GPATCH2L: variants seen among roughly 807,000 people sequenced by gnomAD.
GPATCH2L encodes G-patch domain containing 2 like.
GPATCH2L carries 31 observed loss-of-function variants against 57.4 expected under a neutral mutation model. The ratio of observed to expected loss-of-function variants is 0.54; its 90% CI spans 0.41 to 0.73. GPATCH2L has a LOEUF of 0.73. Among genes scored for constraint, GPATCH2L ranks in the 30% least tolerant of loss-of-function variants. The pLI, the probability that GPATCH2L is intolerant of heterozygous loss-of-function variation, is 0.00. For missense variants in GPATCH2L, 481 were observed against 599.9 expected (o/e 0.80, Z 2.07); for synonymous variants, 199 against 210.7 (o/e 0.94, Z 0.48).
intron 8 of GPATCH2L, among the ~76,000 whole-genome samples, chr14:76,182,098 C>T (rs539067251): frequency 1.3e-5 from 2 of 152,246 alleles, no homozygotes; most frequent in East Asian, 3.9e-4. Context: ...TGGCTCACGC[C>T]TGTAATCCCA....
intron 8 of GPATCH2L, among the ~76,000 whole-genome samples, chr14:76,195,594 A>G (rs2040121818): frequency 6.6e-6 from 1 of 152,228 alleles, no homozygotes; most frequent in Non-Finnish European, 1.5e-5. Context: ...TATGAAAAAT[A>G]ATTGTATAAA....
chr14:76,161,653 T>A (rs2038590166), intron 2 of GPATCH2L, among the ~76,000 whole-genome samples: 1 of 152,198 alleles, frequency 6.6e-6, no homozygotes, highest in African/African-American at 2.4e-5. Flanking sequence ...AACTAGAAGC[T>A]ACTGTTTAGG....
intron 1 of GPATCH2L, among the ~76,000 whole-genome samples, chr14:76,228,352 T>C (rs927554767): frequency 6.6e-6 from 1 of 152,174 alleles, no homozygotes; most frequent in Non-Finnish European, 1.5e-5. Context: ...TGTGTGTGCG[T>C]GCGCGCGCGT....
chr14:76,190,872 T>C (rs1203495354), intron 8 of GPATCH2L, among the ~76,000 whole-genome samples: 1 of 152,180 alleles, frequency 6.6e-6, no homozygotes, highest in Non-Finnish European at 1.5e-5. Context: ...AAGCTCCTTA[T>C]ATAATTCGGA....
At chr14:76,216,779 C>T (rs2040491753), downstream of GPATCH2L, among the ~76,000 whole-genome samples, 1 of 152,036 alleles carries the variant, frequency 6.6e-6, no homozygotes, top group Non-Finnish European at 1.5e-5. Flanking sequence ...AGTCCCACTA[C>T]ATATTAAAAC....
intron 2 of GPATCH2L, among the ~76,000 whole-genome samples, chr14:76,234,198 T>C (rs1191031266): frequency 6.6e-6 from 1 of 152,226 alleles, no homozygotes; most frequent in Non-Finnish European, 1.5e-5. Flanking sequence ...ATGTAATATA[T>C]GTCCTTTAAT....
intron 5 of GPATCH2L, chr14:76,176,283 A>T (rs1392682993): frequency 5.3e-6 from 1 of 187,654 alleles, no homozygotes; most frequent in African/African-American, 2.3e-5. Context: ...AAAATTGGCT[A>T]CTGTTGAATT....
At chr14:76,160,143 C>CA (rs550115048) in intron 2 of GPATCH2L, among the ~76,000 whole-genome samples, 59 of 148,830 alleles carry the variant, frequency 4.0e-4, no homozygotes, top group Non-Finnish European at 5.4e-4. Context: ...GACTCTGTCT[C>CA]AAAAAAAAAG....
At chr14:76,192,304 G>A (rs191543729) in intron 8 of GPATCH2L, among the ~76,000 whole-genome samples, 1 of 152,086 alleles carries the variant, frequency 6.6e-6, no homozygotes. Context: ...CAAGGAAGAA[G>A]CAAAATGTCT....
chr14:76,173,848 A>C (rs78121241), intron 5 of GPATCH2L: 2 of 520,564 alleles, frequency 3.8e-6, no homozygotes, highest in South Asian at 3.3e-5. Flanking sequence ...AAAAAAAAAA[A>C]ACACTGTCAT....
rs1237368330 is a variant in GPATCH2L at position 76,208,050 on chromosome 14, C to T, written c.*6199C>T. On this transcript the variant is annotated 3_prime_UTR_variant, in exon 10 of 10. Transcript: ENST00000261530. ...TTTTGCAGTCTTTTAAAACACCACA[C>T]TTCTTTTCCATCTTGAAGACCAGTT... 1.3e-5 allele frequency: 2 copies of T among 152,166 alleles called. No individual in the cohort carries two copies. Among genetic ancestry groups the T allele is most frequent in the African/African-American group, 2.4e-5 (1 of 41,414 alleles). 9.4% of individuals were successfully genotyped at this position (152,166 alleles called of 1,614,324 possible).
At chr14:76,174,374 A>G (rs1372235534) in intron 5 of GPATCH2L, 1 of 152,240 alleles carries the variant, frequency 6.6e-6, no homozygotes, top group Non-Finnish European at 1.5e-5. Context: ...ATCCTCAGTC[A>G]GAGAAGATGG....
intron 2 of GPATCH2L, among the ~76,000 whole-genome samples, chr14:76,231,642 C>CACACAT (rs1006971957): frequency 3.3e-5 from 5 of 151,694 alleles, no homozygotes; most frequent in Middle Eastern, 3.4e-3. Flanking sequence ...CACACACACA[C>CACACAT]ACACACACTC....
chr14:76,161,850 A>G (rs747683681), intron 2 of GPATCH2L, among the ~76,000 whole-genome samples: 33 of 152,264 alleles, frequency 2.2e-4, no homozygotes, highest in Non-Finnish European at 3.8e-4. Context: ...AGCCTGACCA[A>G]TGTGGTGAAA....
At chr14:76,168,302 G>A (rs746644841) in intron 3 of GPATCH2L, among the ~76,000 whole-genome samples, 4 of 152,234 alleles carry the variant, frequency 2.6e-5, no homozygotes, top group Admixed American at 1.3e-4. Flanking sequence ...ATTTCTTGTT[G>A]GGGTTGGCCT....
At chr14:76,198,404 A>G (rs2040220592) in intron 9 of GPATCH2L, among the ~76,000 whole-genome samples, 1 of 152,252 alleles carries the variant, frequency 6.6e-6, no homozygotes, top group Admixed American at 6.5e-5. Flanking sequence ...TGTAAAAAAC[A>G]TAATAAACCC....
intron 2 of GPATCH2L, among the ~76,000 whole-genome samples, chr14:76,162,413 G>A (rs2038633434): frequency 6.6e-6 from 1 of 152,142 alleles, no homozygotes; most frequent in Admixed American, 6.5e-5. Flanking sequence ...CCACAGTCTC[G>A]TATAACCTAA....
At chr14:76,231,616 A>AAAACAT (rs1745076730) in intron 2 of GPATCH2L, among the ~76,000 whole-genome samples, 1 of 32,354 alleles carries the variant, frequency 3.1e-5, no homozygotes, top group African/African-American at 1.1e-4. Context: ...TTAGAAACTA[A>AAAACAT]ACACATACAC....
At chr14:76,163,296 A>G (rs1273048129) in intron 2 of GPATCH2L, among the ~76,000 whole-genome samples, 3 of 152,312 alleles carry the variant, frequency 2.0e-5, no homozygotes, top group African/African-American at 4.8e-5. Flanking sequence ...AGTGCTTAGT[A>G]TATTACCTGG....
Sources: gnomAD v4.1 joint callset for allele counts (sites outside exome capture counted in the v4.1 genomes callset) on GRCh38, gnomAD v4.1.1 for gene constraint, MANE v1.5 for transcripts, NCBI Gene and HGNC (gene_info 2026-07-23, HGNC 2026-07-21) for gene names.